The following ASTN2 variants were observed in gnomAD, a reference collection of about 807,000 sequenced individuals.
ASTN2 encodes astrotactin 2.
ASTN2 carries 54 observed loss-of-function variants against 139.8 expected under a neutral mutation model. The ratio of observed to expected loss-of-function variants is 0.39; its 90% CI spans 0.31 to 0.48. ASTN2 has a LOEUF of 0.48. ASTN2 is among the 20% of genes least tolerant of loss of function. The probability of loss-of-function intolerance (pLI) is 0.95; values close to 1 mark genes in which losing one functional copy is unlikely to be tolerated. For missense variants in ASTN2, 1,565 were observed against 1,725.1 expected (o/e 0.91, Z 1.64); for synonymous variants, 756 against 719.5 (o/e 1.05, Z -0.81).
intron 4 of ASTN2, among the ~76,000 whole-genome samples, chr9:117,107,063 T>C (rs1452273826): frequency 6.6e-6 from 1 of 152,200 alleles, no homozygotes; most frequent in East Asian, 1.9e-4. Flanking sequence ...AAAATAAATA[T>C]AGATTGCTTA....
intron 19 of ASTN2, among the ~76,000 whole-genome samples, chr9:116,493,224 G>T (rs1055020558): frequency 6.6e-6 from 1 of 152,048 alleles, no homozygotes; most frequent in Non-Finnish European, 1.5e-5. Flanking sequence ...ACTCTACCTG[G>T]GAGGCCTCTG....
intron 13 of ASTN2, among the ~76,000 whole-genome samples, chr9:116,737,450 CGTGT>C (rs112476262): frequency 1.5e-5 from 2 of 134,736 alleles, no homozygotes; most frequent in African/African-American, 2.9e-5. Flanking sequence ...TCTTAGCGCT[CGTGT>C]GTGTGTGTGT....
At chr9:117,169,205 AAAG>A (rs971634231) in intron 3 of ASTN2, among the ~76,000 whole-genome samples, 4 of 41,040 alleles carry the variant, frequency 9.7e-5, no homozygotes, top group Non-Finnish European at 1.7e-4. Flanking sequence ...GGAAGAAGAA[AAAG>A]AAAAAAAAAA....
intron 3 of ASTN2, among the ~76,000 whole-genome samples, chr9:117,155,412 T>C (rs972239994): frequency 1.3e-5 from 2 of 151,978 alleles, no homozygotes; most frequent in Admixed American, 6.6e-5. Flanking sequence ...GGAGCCTGCA[T>C]GTACGGGTGG....
intron 1 of ASTN2, among the ~76,000 whole-genome samples, chr9:117,346,609 C>T (rs188752773): frequency 1.4e-4 from 22 of 152,182 alleles, no homozygotes; most frequent in African/African-American, 2.2e-4. Context: ...CCTGACACAT[C>T]GTTTAGCAGA....
chr9:116,874,811 T>C (rs1833254576), intron 10 of ASTN2, among the ~76,000 whole-genome samples: 1 of 152,202 alleles, frequency 6.6e-6, no homozygotes, highest in East Asian at 1.9e-4. Flanking sequence ...GTGGCTACCC[T>C]GTGTCAAGAG....
Position 116,476,448 on chromosome 9 carries a change from G to A in ASTN2, c.3497+10911C>T, listed in dbSNP as rs117397959. On this transcript the variant is annotated intron_variant, in intron 20 of 22. Coordinates refer to ENST00000313400, the MANE Select transcript of ASTN2 (RefSeq NM_001365068.1). Reference sequence around the variant, plus strand: ...CTTGCAGCGGAGGGTTCCCCTGGCTGGGCTAGTGGCTCTTCCTTGGTGTCC... The same window carrying A: ...CTTGCAGCGGAGGGTTCCCCTGGCTAGGCTAGTGGCTCTTCCTTGGTGTCC... 9.7e-4 allele frequency among the ~76,000 whole-genome samples: 148 copies of A among 152,238 alleles called. 2 individuals carry two copies. The East Asian group carries it at 0.028, about 29-fold the overall frequency.
rs1052742026 is a variant in ASTN2 at position 116,697,206 on chromosome 9, C to T, written c.2806+28565G>A. 2.0e-5 allele frequency among the ~76,000 whole-genome samples: 3 copies of T among 152,174 alleles called. No individual in the cohort carries two copies. The East Asian group carries it at 5.8e-4, about 29-fold the overall frequency. On this transcript the variant is annotated intron_variant, in intron 16 of 22. Transcript: ENST00000313400. ...CCTGTGCTTTTCTCTTAGTGTAAAT[C>T]AGAAGTTGTAAAATTCACCAAATAT...
chr9:117,180,590 G>A, intron 3 of ASTN2: 1 of 910,358 alleles, frequency 1.1e-6, no homozygotes, highest in Non-Finnish European at 1.7e-6. Flanking sequence ...TGCTTACTAT[G>A]CACCGAGCAC....
At chr9:116,557,596 T>C (rs1473946522) in intron 19 of ASTN2, 1 of 152,194 alleles carries the variant, frequency 6.6e-6, no homozygotes, top group Admixed American at 6.5e-5. Flanking sequence ...TCCTTCTTGC[T>C]CTCAATTTAG....
intron 1 of ASTN2, among the ~76,000 whole-genome samples, chr9:117,395,239 G>A (rs1830647029): frequency 6.6e-6 from 1 of 152,118 alleles, no homozygotes; most frequent in Non-Finnish European, 1.5e-5. Context: ...TTCCCCAAAT[G>A]CCGCCCCCAC....
chr9:116,598,381 A>AG (rs1854696172), intron 19 of ASTN2, among the ~76,000 whole-genome samples: 1 of 152,218 alleles, frequency 6.6e-6, no homozygotes, highest in Non-Finnish European at 1.5e-5. Flanking sequence ...CAGGAGACTC[A>AG]GGGGAAGTTC....
chr9:116,895,348 A>G (rs1301892465), intron 10 of ASTN2, among the ~76,000 whole-genome samples: 1 of 152,204 alleles, frequency 6.6e-6, no homozygotes, highest in East Asian at 1.9e-4. Context: ...CCAAAATCTG[A>G]AAAAGTCAGA....
chr9:117,335,721 C>T (rs1011226732), intron 1 of ASTN2, among the ~76,000 whole-genome samples: 4 of 151,932 alleles, frequency 2.6e-5, no homozygotes, highest in East Asian at 1.9e-4. Context: ...AATCCTAGTG[C>T]CACAGGCCCC....
rs1291382790 is a variant in ASTN2 at position 116,609,075 on chromosome 9, A to C, written c.3355+9249T>G. 3.3e-5 allele frequency among the ~76,000 whole-genome samples: 5 copies of C among 152,182 alleles called. No homozygotes were observed. In the South Asian group the frequency reaches 8.3e-4, roughly 25 times the overall value. ...ACAAATAATTTTTGAAAATGAAAAA[A>C]GCATCACTGAGATGAGTAACAACTT... On this transcript the variant is annotated intron_variant, in intron 19 of 22. Coordinates refer to ENST00000313400, the MANE Select transcript of ASTN2 (RefSeq NM_001365068.1).
At chr9:116,475,056 G>C (rs1848935087) in intron 20 of ASTN2, among the ~76,000 whole-genome samples, 1 of 152,166 alleles carries the variant, frequency 6.6e-6, no homozygotes, top group Non-Finnish European at 1.5e-5. Flanking sequence ...TCTATACACT[G>C]AGAGAAGTGG....
chr9:117,223,447 A>G (rs575847225), intron 2 of ASTN2, among the ~76,000 whole-genome samples: 96 of 152,344 alleles, frequency 6.3e-4, no homozygotes, highest in Non-Finnish European at 1.1e-3. Context: ...TGATGAGACC[A>G]GAACTAAGAG....
Position 117,214,561 on chromosome 9 carries a change from G to T in ASTN2, c.812C>A (p.Ser271Tyr), listed in dbSNP as rs1324114516. 1.2e-6 allele frequency: 2 copies of T among 1,612,074 alleles called. No individual in the cohort carries two copies. The highest frequency in any genetic ancestry group is 4.5e-5 in the East Asian group (2 of 44,804). The change falls in exon 3 of 23, where the codon TCC (serine) becomes TAC (tyrosine). Residue 271 changes from serine to tyrosine, a missense_variant. This residue lies in a region of ASTN2 where 596 missense variants were observed against 576.8 expected (regional missense o/e 1.03). Coordinates refer to ENST00000313400, the MANE Select transcript of ASTN2 (RefSeq NM_001365068.1). ...GACGGAATTGTGGGTTTGCAGCCGG[G>T]ATGAACGGAAGCTCTCCCGCGCCTG... ...GPQARESFRS[S>Y]RLQTHNSVIG...
chr9:116,569,117 T>C (rs768642906), intron 19 of ASTN2, among the ~76,000 whole-genome samples: 12 of 152,164 alleles, frequency 7.9e-5, no homozygotes, highest in Non-Finnish European at 1.5e-4. Flanking sequence ...GGGCGAAATG[T>C]CCCTTTTCAT....
Sources: allele counts gnomAD v4.1 joint callset (sites outside exome capture counted in the v4.1 genomes callset), GRCh38; gene constraint gnomAD v4.1.1; regional missense constraint gnomAD v4.1.1; transcripts MANE v1.5; gene names NCBI Gene and HGNC (gene_info 2026-07-23, HGNC 2026-07-21).